Variants in ASTN2 observed in about 807,000 individuals in gnomAD.
ASTN2 encodes the protein astrotactin-2.
Under a neutral mutation model 139.8 loss-of-function variants are expected in ASTN2, and 54 were observed. The ratio of observed to expected loss-of-function variants is 0.39; its 90% confidence interval spans 0.31 to 0.48. The LOEUF (loss-of-function observed/expected upper bound fraction) is 0.48. ASTN2 is among the 20% of genes least tolerant of loss of function. The probability of loss-of-function intolerance (pLI) is 0.95; values close to 1 mark genes in which losing one functional copy is unlikely to be tolerated. For missense variants in ASTN2, 1,565 were observed against 1,725.1 expected (o/e 0.91, Z 1.64); for synonymous variants, 756 against 719.5 (o/e 1.05, Z -0.81).
chr9:116,954,081 G>A (rs1835640563), intron 10 of ASTN2, among the ~76,000 whole-genome samples: 1 of 152,116 alleles, frequency 6.6e-6, no homozygotes, highest in Admixed American at 6.6e-5. Flanking sequence ...AATAACAGCA[G>A]CTACCTGTTA....
intron 19 of ASTN2, among the ~76,000 whole-genome samples, chr9:116,551,760 C>T (rs1852356241): frequency 6.6e-6 from 1 of 152,164 alleles, no homozygotes; most frequent in South Asian, 2.1e-4. Flanking sequence ...CTAGTTTAGT[C>T]TTCATTTCTC....
At chr9:116,480,177 G>A (rs548275797) in intron 20 of ASTN2, among the ~76,000 whole-genome samples, 16 of 151,928 alleles carry the variant, frequency 1.1e-4, no homozygotes, top group Middle Eastern at 3.4e-3. Flanking sequence ...AGGAAGGGAG[G>A]AAGGGAAAGG....
intron 3 of ASTN2, among the ~76,000 whole-genome samples, chr9:117,196,450 C>T (rs962208973): frequency 3.9e-5 from 6 of 152,140 alleles, no homozygotes; most frequent in Admixed American, 2.0e-4. Flanking sequence ...AATAAAAGTC[C>T]CTTGTCCCTT....
chr9:117,277,395 A>G (rs747603755), intron 2 of ASTN2: 4 of 152,230 alleles, frequency 2.6e-5, no homozygotes, highest in African/African-American at 4.8e-5. Context: ...AACCATTTCA[A>G]TGAGATATAT....
At chr9:116,996,515 T>C (rs1837020713) in intron 7 of ASTN2, among the ~76,000 whole-genome samples, 1 of 151,776 alleles carries the variant, frequency 6.6e-6, no homozygotes, top group Admixed American at 6.6e-5. Flanking sequence ...GTACAGAAAG[T>C]CACTTCCTTG....
At chr9:116,470,321 C>T (rs907242628) in intron 20 of ASTN2, among the ~76,000 whole-genome samples, 2 of 152,096 alleles carry the variant, frequency 1.3e-5, no homozygotes, top group African/African-American at 2.4e-5. Context: ...AGGGGAAGAG[C>T]GCATGCTGTG....
chr9:117,193,888 C>T (rs1831418213), intron 3 of ASTN2, among the ~76,000 whole-genome samples: 2 of 152,142 alleles, frequency 1.3e-5, no homozygotes, highest in South Asian at 2.1e-4. Flanking sequence ...TGAAAACTGG[C>T]ATCTGGGGCC....
chr9:116,755,155 G>GA (rs1468160509), intron 13 of ASTN2, among the ~76,000 whole-genome samples: 1 of 152,096 alleles, frequency 6.6e-6, no homozygotes, highest in Admixed American at 6.5e-5. Flanking sequence ...CCATTTAAAT[G>GA]AAAAATACAA....
chr9:116,975,397 C>T, intron 9 of ASTN2, 52 bp from the exon 10 acceptor site: 2 of 1,516,374 alleles, frequency 1.3e-6, no homozygotes, highest in Non-Finnish European at 1.8e-6. Context: ...AGAGAGCAAA[C>T]AGAAAAAAGG....
intron 2 of ASTN2, among the ~76,000 whole-genome samples, chr9:117,279,369 C>T (rs990516973): frequency 2.6e-5 from 4 of 152,182 alleles, no homozygotes; most frequent in African/African-American, 9.7e-5. Context: ...TTGGTTTTAT[C>T]ATTTGTGAAA....
At chr9:117,081,457 T>G (rs1828425671) in intron 5 of ASTN2, among the ~76,000 whole-genome samples, 1 of 152,186 alleles carries the variant, frequency 6.6e-6, no homozygotes, top group Non-Finnish European at 1.5e-5. Context: ...AATTTTAAAA[T>G]AGCCTCCAAC....
At chr9:116,657,749 G>A (rs536201866) in intron 16 of ASTN2, among the ~76,000 whole-genome samples, 3 of 152,306 alleles carry the variant, frequency 2.0e-5, no homozygotes, top group African/African-American at 4.8e-5. Context: ...GCTGAGGCAC[G>A]AGAATCACTC....
At chr9:116,933,634 G>T (rs1834975366) in intron 10 of ASTN2, among the ~76,000 whole-genome samples, 1 of 151,480 alleles carries the variant, frequency 6.6e-6, no homozygotes, top group Non-Finnish European at 1.5e-5. Flanking sequence ...GGCAAGGATT[G>T]TTCCTGAATT....
chr9:117,093,865 C>T (rs4335198), intron 5 of ASTN2, among the ~76,000 whole-genome samples: 132,431 of 152,168 alleles, frequency 0.87, 57,694 homozygotes, highest in East Asian at 0.97. Context: ...TAGGGTAATT[C>T]ATGCTCACTG....
intron 1 of ASTN2, among the ~76,000 whole-genome samples, chr9:117,299,581 G>GT (rs1367648641): frequency 6.6e-6 from 1 of 152,196 alleles, no homozygotes; most frequent in African/African-American, 2.4e-5. Flanking sequence ...AAGGGATACA[G>GT]TGGGGGGAAC....
At chr9:117,373,201 G>T (rs1300318792) in intron 1 of ASTN2, among the ~76,000 whole-genome samples, 1 of 152,174 alleles carries the variant, frequency 6.6e-6, no homozygotes. Flanking sequence ...TCCATTTACA[G>T]ATGCAGAAAT....
intron 3 of ASTN2, among the ~76,000 whole-genome samples, chr9:117,212,848 G>A (rs1210735796): frequency 6.6e-6 from 1 of 152,150 alleles, no homozygotes. Flanking sequence ...ATGTAAACTA[G>A]TACAGTCACT....
At chr9:117,251,963 C>T (rs1226040121) in intron 2 of ASTN2, among the ~76,000 whole-genome samples, 1 of 152,176 alleles carries the variant, frequency 6.6e-6, no homozygotes, top group East Asian at 1.9e-4. Flanking sequence ...GGAGGCAAAA[C>T]TGTTCTCATT....
At chr9:116,763,713 C>T (rs956483869) in intron 13 of ASTN2, among the ~76,000 whole-genome samples, 1 of 152,136 alleles carries the variant, frequency 6.6e-6, no homozygotes, top group Non-Finnish European at 1.5e-5. Flanking sequence ...AGTGGGGATG[C>T]TAAACCCCAG....
Sources: allele counts gnomAD v4.1 joint callset (sites outside exome capture counted in the v4.1 genomes callset), GRCh38; gene constraint gnomAD v4.1.1; transcripts MANE v1.5; gene names NCBI Gene and HGNC (gene_info 2026-07-23, HGNC 2026-07-21).